Variants in CLTCL1 observed in about 807,000 individuals in gnomAD.
The protein encoded by CLTCL1 is clathrin heavy chain 2.
Under a neutral mutation model 190.0 loss-of-function variants are expected in CLTCL1, and 159 were observed. That is an observed-to-expected ratio of 0.84 (90% CI 0.74 to 0.95). The LOEUF is 0.95. Ranked by LOEUF, CLTCL1 falls within the 40% of genes least tolerant of loss-of-function variation. The probability of loss-of-function intolerance (pLI) is 0.00; values close to 1 mark genes in which losing one functional copy is unlikely to be tolerated. For missense variants in CLTCL1, 1,878 were observed against 2,033.4 expected (o/e 0.92, Z 1.47); for synonymous variants, 752 against 769.6 (o/e 0.98, Z 0.38).
chr22:19,235,758 T>C lies in CLTCL1; in HGVS notation c.907A>G (p.Ile303Val). ...ICMNRISADT[I>V]FVTAPHKPTS... ...GGTTTGTGTGGAGCAGTGACAAATA[T>C]TGTGTCAGCACTAATACGGTTCATG... Residue 303 changes from isoleucine to valine, a missense_variant, in exon 6 of 33, where the codon ATA becomes GTA. Transcript: ENST00000427926. 2 of 1,613,958 alleles carry C rather than the reference T, an allele frequency of 1.2e-6. No homozygotes were observed. Among genetic ancestry groups the C allele is most frequent in the Admixed American group, 1.7e-5 (1 of 60,014 alleles).
chr22:19,281,030 C>G (rs1350734185), intron 1 of CLTCL1, among the ~76,000 whole-genome samples: 2 of 151,660 alleles, frequency 1.3e-5, no homozygotes, highest in African/African-American at 4.8e-5. Flanking sequence ...GCGGCTCACA[C>G]CTGTAATCCC....
chr22:19,209,600 T>G (rs2146386419), intron 20 of CLTCL1, among the ~76,000 whole-genome samples: 1 of 152,232 alleles, frequency 6.6e-6, no homozygotes, highest in Middle Eastern at 3.4e-3. Flanking sequence ...CCTAATATGA[T>G]GAGCTGGTCT....
chr22:19,283,103 T>G (rs1555987931), intron 1 of CLTCL1, among the ~76,000 whole-genome samples: 1 of 151,720 alleles, frequency 6.6e-6, no homozygotes, highest in African/African-American at 2.4e-5. Context: ...AACTCCTGAC[T>G]TCAAGTGATC....
intron 19 of CLTCL1, among the ~76,000 whole-genome samples, chr22:19,214,594 T>C (rs568760126): frequency 6.6e-6 from 1 of 152,300 alleles, no homozygotes; most frequent in Admixed American, 6.5e-5. Context: ...GGTTTATTTA[T>C]GGTTTCTGGT....
At chr22:19,195,335 C>T (rs1485155951) in intron 26 of CLTCL1, among the ~76,000 whole-genome samples, 1 of 152,182 alleles carries the variant, frequency 6.6e-6, no homozygotes, top group Non-Finnish European at 1.5e-5. Context: ...ACATGGATGT[C>T]CTCCAACAAG....
At chr22:19,235,547 T>A (rs2145894728) in intron 6 of CLTCL1, 149 bp downstream of exon 6, 2 of 713,710 alleles carry the variant, frequency 2.8e-6, no homozygotes, top group Non-Finnish European at 4.8e-6. Context: ...AGAGGAAGTG[T>A]CAATATGAAG....
Position 19,208,129 on chromosome 22 carries a change from A to G in CLTCL1, c.3600+25T>C, listed in dbSNP as rs560886560. On this transcript the variant is annotated intron_variant, in intron 22 of 32. Transcript: ENST00000427926. ...TGGACCTAAATCTGACTGGCAGTGC[A>G]CAGCCCCCAGGGGGCATGGCCTACC... The G allele has an allele frequency of 4.3e-6, 7 of 1,613,624 alleles. No individual in the cohort carries two copies. In the African/African-American group the frequency reaches 9.3e-5, roughly 21 times the overall value.
In CLTCL1 at chr22:19,226,029, T is replaced by C. The variant is rs112947852; in HGVS notation, c.1947+190A>G. ...AGAAAGGTGCTACAGGGCCCAGACA[T>C]GCTGCTGAGCAGATAAACTTTGTGC... On this transcript the variant is annotated intron_variant, in intron 12 of 32. Transcript: ENST00000427926. 3.6e-3 allele frequency among the ~76,000 whole-genome samples: 546 copies of C among 152,332 alleles called. 4 individuals carry two copies. Among genetic ancestry groups the C allele is most frequent in the African/African-American group, 0.012 (509 of 41,582 alleles).
Position 19,254,110 on chromosome 22 carries a change from G to T in CLTCL1, c.368C>A (p.Thr123Asn), listed in dbSNP as rs2086679145. ...GCTCCAGTGGTAGACCGCGGTCTCG[G>T]TCACCAAGGCAACAGTGTTCACAGA... ...WVSVNTVALV[T>N]ETAVYHWSME... Residue 123 changes from threonine (T) to asparagine (N), a missense_variant, in exon 3 of 33, where the codon ACC becomes AAC. Physicochemically the swap from Thr to Asn is moderately conservative, Grantham distance 65. Transcript: ENST00000427926. The T allele has an allele frequency of 6.2e-7, 1 of 1,613,364 alleles. No individual in the cohort carries two copies. Among genetic ancestry groups the T allele is most frequent in the African/African-American group, 1.3e-5 (1 of 75,012 alleles).
chr22:19,199,273 C>T (rs2084805485), intron 24 of CLTCL1, among the ~76,000 whole-genome samples: 1 of 152,190 alleles, frequency 6.6e-6, no homozygotes, highest in Non-Finnish European at 1.5e-5. Flanking sequence ...ACATACAGGG[C>T]CCCACCCTTC....
chr22:19,235,703 T>A lies in CLTCL1; in HGVS notation c.962A>T (p.Lys321Met). 6.2e-7 allele frequency: 1 copy of A among 1,612,430 alleles called. No individual in the cohort carries two copies. The highest frequency in any genetic ancestry group is 8.5e-7 in the Non-Finnish European group (1 of 1,179,076). ...PTSGIIGVNK[K>M]GQVLSVCVEE... ...AATGTCAGAGTTACACACCTGTCCC[T>A]TTTTGTTGACACCAATAATTCCAGA... The change falls in exon 6 of 33, where the codon AAG becomes ATG. Residue 321 changes from lysine to methionine, a missense_variant. Physicochemically the swap from Lys to Met is moderately conservative, Grantham distance 95 (BLOSUM62 -1). Coordinates refer to ENST00000427926, the MANE Select transcript of CLTCL1 (RefSeq NM_007098.4).
intron 9 of CLTCL1, 23 bp downstream of exon 9, chr22:19,233,143 G>A (rs782287050): frequency 1.9e-6 from 3 of 1,598,198 alleles, no homozygotes; most frequent in South Asian, 1.1e-5. Context: ...TCTGTGAGAT[G>A]CCAGTGGTTC....
At chr22:19,244,316 G>A (rs1339373518) in intron 3 of CLTCL1, among the ~76,000 whole-genome samples, 2 of 152,176 alleles carry the variant, frequency 1.3e-5, no homozygotes, top group Non-Finnish European at 2.9e-5. Context: ...TTGAAAACAT[G>A]CTAAGGAAAG....
At chr22:19,189,872 G>A (rs782818377) in intron 27 of CLTCL1, among the ~76,000 whole-genome samples, 4 of 152,080 alleles carry the variant, frequency 2.6e-5, no homozygotes, top group Admixed American at 6.6e-5. Context: ...TACGATATCC[G>A]TCACCTCAAG....
At chr22:19,265,341 C>T (rs1247532456) in intron 2 of CLTCL1, among the ~76,000 whole-genome samples, 2 of 152,040 alleles carry the variant, frequency 1.3e-5, no homozygotes, top group Non-Finnish European at 2.9e-5. Flanking sequence ...TCAGACTGAA[C>T]TAAGATGGGA....
At chr22:19,200,029 T>A (rs1200390836) in intron 23 of CLTCL1, among the ~76,000 whole-genome samples, 188 bp from the exon 24 acceptor site, 3 of 152,204 alleles carry the variant, frequency 2.0e-5, no homozygotes, top group African/African-American at 7.2e-5. Context: ...ACATTTGTAA[T>A]CTGCAGGCCA....
At chr22:19,187,052 C>T (rs1435019289) in intron 29 of CLTCL1, among the ~76,000 whole-genome samples, 1 of 151,936 alleles carries the variant, frequency 6.6e-6, no homozygotes, top group African/African-American at 2.4e-5. Flanking sequence ...CCTTCTCAGC[C>T]TCCCGAGTGG....
chr22:19,276,666 C>T (rs573421922), intron 1 of CLTCL1, among the ~76,000 whole-genome samples: 89 of 152,062 alleles, frequency 5.9e-4, no homozygotes, highest in African/African-American at 1.8e-3. Context: ...TACTTATTTA[C>T]TTATTTATTT....
intron 1 of CLTCL1, among the ~76,000 whole-genome samples, chr22:19,285,052 G>A (rs1404430621): frequency 1.3e-5 from 2 of 152,160 alleles, no homozygotes; most frequent in Non-Finnish European, 2.9e-5. Context: ...GAGGCAGGCG[G>A]ATCACAAGGT....
Sources: allele counts gnomAD v4.1 joint callset (sites outside exome capture counted in the v4.1 genomes callset), GRCh38; gene constraint gnomAD v4.1.1; transcripts MANE v1.5; gene names NCBI Gene and HGNC (gene_info 2026-07-23, HGNC 2026-07-21).